The following TG variants were observed in gnomAD, a reference collection of about 807,000 sequenced individuals.
TG encodes the protein thyroid hormones.
Under a neutral mutation model 324.7 loss-of-function variants are expected in TG, and 270 were observed. The ratio of observed to expected loss-of-function variants is 0.83; its 90% CI spans 0.75 to 0.92. The LOEUF is 0.92. Ranked by LOEUF, TG falls within the 40% of genes least tolerant of loss-of-function variation. TG has a pLI of 0.00. For missense variants in TG, 3,591 were observed against 3,456.4 expected, an observed-to-expected ratio of 1.04 and a Z score of -0.98; for synonymous variants, 1,401 against 1,327.0, an observed-to-expected ratio of 1.06 and a Z score of -1.21.
chr8:133,114,377 C>G (rs1850521602), intron 44 of TG, among the ~76,000 whole-genome samples: 1 of 152,228 alleles, frequency 6.6e-6, no homozygotes, highest in Non-Finnish European at 1.5e-5. Flanking sequence ...GGGTCCCTCT[C>G]TTGCAGCACG....
At chr8:132,966,520 G>A (rs546305970) in intron 29 of TG, 40 bp from the exon 30 acceptor site, 4 of 1,613,248 alleles carry the variant, frequency 2.5e-6, no homozygotes, top group African/African-American at 2.7e-5. Flanking sequence ...ATTCACTAGA[G>A]TTAAAGGTGC....
At chr8:133,067,872 AAGGAAGGAAGGAAGTATGTATGG>A (rs1843277324) in intron 41 of TG, among the ~76,000 whole-genome samples, 5 of 29,290 alleles carry the variant, frequency 1.7e-4, no homozygotes, top group South Asian at 1.2e-3. Flanking sequence ...GAAAGAAAGG[AAGGAAGGAAGGAAGTATGTATGG>A]AAGGAAGGAA....
chr8:133,021,120 A>G lies in TG; in HGVS notation c.6877-871A>G, dbSNP rs77909171. ...ACCTCCTAGCTGTGTGATCTCAGGC[A>G]AGCCATTCAACATGTCTAAGCCTCT... On this transcript the variant is annotated intron_variant, in intron 39 of 47. Coordinates refer to ENST00000220616, the MANE Select transcript of TG (RefSeq NM_003235.5). Among the ~76,000 whole-genome samples, 927 of 152,288 alleles carry G rather than the reference A, an allele frequency of 6.1e-3. 10 individuals are homozygous for G. The highest frequency in any genetic ancestry group is 0.021 in the African/African-American group (871 of 41,542).
chr8:133,024,936 C>T (rs1238535603), intron 40 of TG, among the ~76,000 whole-genome samples: 1 of 152,128 alleles, frequency 6.6e-6, no homozygotes, highest in Non-Finnish European at 1.5e-5. Flanking sequence ...ACCAGAAATA[C>T]CATTTGACCC....
chr8:133,028,322 A>G (rs1260139993), intron 40 of TG, among the ~76,000 whole-genome samples: 1 of 152,238 alleles, frequency 6.6e-6, no homozygotes. Context: ...GTTCACAGCG[A>G]GGATCATGTT....
At chr8:133,018,405 C>T (rs1170355949) in intron 38 of TG, among the ~76,000 whole-genome samples, 1 of 152,100 alleles carries the variant, frequency 6.6e-6, no homozygotes. Context: ...TCACTGGCAC[C>T]GCTATTGCAG....
intron 41 of TG, among the ~76,000 whole-genome samples, chr8:133,090,878 C>G (rs1031006466): frequency 1.3e-5 from 2 of 152,108 alleles, no homozygotes; most frequent in African/African-American, 4.8e-5. Context: ...CCCCGCACCC[C>G]CCGGGAACAG....
chr8:132,946,611 C>T (rs1426450643), intron 26 of TG, among the ~76,000 whole-genome samples: 1 of 152,168 alleles, frequency 6.6e-6, no homozygotes, highest in Non-Finnish European at 1.5e-5. Flanking sequence ...CCTTTCCTTT[C>T]TCCCCTCCCA....
At chr8:132,904,462 G>A (rs890140229) in intron 16 of TG, among the ~76,000 whole-genome samples, 2 of 152,246 alleles carry the variant, frequency 1.3e-5, no homozygotes, top group African/African-American at 4.8e-5. Flanking sequence ...TGGGCCCACT[G>A]TGGATATTCA....
At chr8:133,046,966 G>A (rs1454538041) in intron 41 of TG, 1 of 152,110 alleles carries the variant, frequency 6.6e-6, no homozygotes, top group Non-Finnish European at 1.5e-5. Context: ...TGTACAAGAA[G>A]CAAGCCAAGA....
intron 27 of TG, among the ~76,000 whole-genome samples, chr8:132,954,511 A>C (rs151184175): frequency 6.6e-6 from 1 of 152,298 alleles, no homozygotes; most frequent in East Asian, 1.9e-4. Context: ...TCAGTGCAAA[A>C]CACACTTCAG....
rs116976041 is a variant in TG, at chr8:133,081,665, G to A, written c.7240-13379G>A. 7.3e-3 allele frequency among the ~76,000 whole-genome samples: 1,110 copies of A among 152,342 alleles called. 7 individuals are homozygous for A. The highest frequency in any genetic ancestry group is 0.017 in the Middle Eastern group (5 of 294). Reference sequence around the variant, plus strand: ...TGCACAGATATGTTGATTCGTTCAAGCTGTTCTCTTCTGTCATTGCTCAAC... The same window carrying A: ...TGCACAGATATGTTGATTCGTTCAAACTGTTCTCTTCTGTCATTGCTCAAC... On this transcript the variant is annotated intron_variant, in intron 41 of 47. Transcript: ENST00000220616.
At chr8:132,988,699 T>C in intron 35 of TG, 1 of 985,390 alleles carries the variant, frequency 1.0e-6, no homozygotes, top group Non-Finnish European at 1.2e-6. Flanking sequence ...GTACATTGCA[T>C]CTTAAAAGGC....
At chr8:133,086,080 G>A (rs917286259) in intron 41 of TG, among the ~76,000 whole-genome samples, 27 of 152,182 alleles carry the variant, frequency 1.8e-4, no homozygotes, top group Non-Finnish European at 1.6e-4. Flanking sequence ...TAAGATGGAT[G>A]AAGTAAAAGA....
At chr8:132,892,576 A>T (rs941872697) in intron 10 of TG, among the ~76,000 whole-genome samples, 2 of 152,194 alleles carry the variant, frequency 1.3e-5, no homozygotes, top group Non-Finnish European at 2.9e-5. Flanking sequence ...AACAAGGAAC[A>T]TTCCAGGTTG....
intron 41 of TG, among the ~76,000 whole-genome samples, chr8:133,072,532 G>C (rs1844224788): frequency 6.6e-6 from 1 of 152,198 alleles, no homozygotes; most frequent in Non-Finnish European, 1.5e-5. Flanking sequence ...GAACCAAATG[G>C]TTTGGTCTGA....
In TG at chr8:132,961,046, A is replaced by G. The variant is rs773791605; in HGVS notation, c.5440A>G (p.Asn1814Asp). 3.7e-6 allele frequency: 6 copies of G among 1,613,836 alleles called. No homozygotes were observed. Among genetic ancestry groups the G allele is most frequent in the Non-Finnish European group, 5.1e-6 (6 of 1,179,960 alleles). The change falls in exon 28 of 48, where the codon AAT becomes GAT. Residue 1814 changes from asparagine to aspartate, a missense_variant. Transcript: ENST00000220616. ...AGAAGGAACTCAAGACACCTTTACC[A>G]ATTTTCAGCAGGTTTATCTCTGGAA... ...PLEGTQDTFT[N>D]FQQVYLWKDS... is the part of the protein sequence containing the mutation.
At chr8:132,887,612 C>A in intron 9 of TG, 64 bp downstream of exon 9, 2 of 1,603,986 alleles carry the variant, frequency 1.2e-6, no homozygotes, top group Non-Finnish European at 1.7e-6. Context: ...TGACCCAATG[C>A]AGTACAGTAA....
chr8:133,002,759 G>T, intron 35 of TG: 2 of 239,614 alleles, frequency 8.3e-6, no homozygotes, highest in South Asian at 6.0e-5. Flanking sequence ...TTTCCTTCAC[G>T]TGTTTCAGGA....
Sources: allele counts gnomAD v4.1 joint callset (sites outside exome capture counted in the v4.1 genomes callset), GRCh38; gene constraint gnomAD v4.1.1; transcripts MANE v1.5; gene names NCBI Gene and HGNC (gene_info 2026-07-23, HGNC 2026-07-21).